Variants in HPD observed in about 807,000 individuals in gnomAD.
The protein encoded by HPD is 4-hydroxyphenylpyruvic acid oxidase.
Under a neutral mutation model 56.9 loss-of-function variants are expected in HPD, and 35 were observed. The ratio of observed to expected loss-of-function variants is 0.62; its 90% CI spans 0.47 to 0.82. The LOEUF is 0.82. Ranked by LOEUF, HPD falls within the 40% of genes least tolerant of loss-of-function variation. The pLI, the probability that HPD is intolerant of heterozygous loss-of-function variation, is 0.00. For synonymous variants in HPD, 186 were observed against 200.2 expected (o/e 0.93, Z 0.60); for missense variants, 442 against 506.8 (o/e 0.87, Z 1.23).
upstream of HPD, among the ~76,000 whole-genome samples, chr12:121,859,801 A>G (rs1368989867): frequency 6.6e-6 from 1 of 152,190 alleles, no homozygotes; most frequent in Non-Finnish European, 1.5e-5. Flanking sequence ...CCACCCCCTT[A>G]TTCTGCCTGT....
intron 12 of HPD, among the ~76,000 whole-genome samples, chr12:121,841,916 C>G (rs1333427464): frequency 2.0e-5 from 3 of 152,098 alleles, no homozygotes; most frequent in Admixed American, 1.3e-4. Context: ...AACTCCTGAC[C>G]TCATGATCCG....
Position 121,857,796 on chromosome 12 carries a change from G to T in HPD, c.54C>A (p.His18Gln). The T allele has an allele frequency of 6.2e-7, 1 of 1,614,074 alleles. No homozygotes were observed. The highest frequency in any genetic ancestry group is 1.3e-5 in the African/African-American group (1 of 75,068). ...GAKPERGRFL[H>Q]FHSVTFWVGN... ...CAACCCAGAAGGTCACAGAGTGGAA[G>T]TGGAGGAATCGGCCTCTCTCAGGCT... Residue 18 changes from histidine to glutamine, a missense_variant, in exon 3 of 14, where the codon CAC becomes CAA. Coordinates refer to ENST00000289004, the MANE Select transcript of HPD (RefSeq NM_002150.3).
At chr12:121,856,851 C>T (rs1878020178) in intron 4 of HPD, 2 of 596,884 alleles carry the variant, frequency 3.4e-6, no homozygotes, top group Non-Finnish European at 6.0e-6. Context: ...GGTCAGGTCT[C>T]CCTCGGGGAG....
chr12:121,869,777 GGCCTCCCAAAGT>G, the HPD span, among the ~76,000 whole-genome samples: 2 of 152,028 alleles, frequency 1.3e-5, no homozygotes, highest in Non-Finnish European at 2.9e-5. Flanking sequence ...CACCCACCTT[GGCCTCCCAAAGT>G]GCTGGAATTA....
chr12:121,839,708 C>T lies in HPD; in HGVS notation c.*20G>A, dbSNP rs1877340077. 1 of 1,558,340 alleles carries T rather than the reference C, an allele frequency of 6.4e-7. No individual in the cohort carries two copies. The highest frequency in any genetic ancestry group is 8.9e-7 in the Non-Finnish European group (1 of 1,129,476). On this transcript the variant is annotated 3_prime_UTR_variant, in exon 14 of 14. Transcript: ENST00000289004. Reference sequence around the variant, plus strand: ...GGGGGCGTGGCTGTGTGGCTGTGGCCTCCGTGGGGTGGGCGGGGCTTACAT... The same window carrying T: ...GGGGGCGTGGCTGTGTGGCTGTGGCTTCCGTGGGGTGGGCGGGGCTTACAT...
intron 7 of HPD, among the ~76,000 whole-genome samples, chr12:121,853,199 G>A (rs930874429): frequency 1.3e-5 from 2 of 152,102 alleles, no homozygotes; most frequent in South Asian, 2.1e-4. Flanking sequence ...GGGAGGGAGT[G>A]CACCAAGGAG....
At chr12:121,840,935 T>C (rs1877386153) in intron 12 of HPD, among the ~76,000 whole-genome samples, 1 of 151,498 alleles carries the variant, frequency 6.6e-6, no homozygotes, top group East Asian at 2.0e-4. Flanking sequence ...GGCTCACGCC[T>C]GTAATCCCAG....
intron 2 of HPD, 121 bp downstream of exon 2, chr12:121,858,566 T>G (rs762538655): frequency 1.4e-5 from 14 of 995,430 alleles, no homozygotes; most frequent in Non-Finnish European, 2.3e-5. Context: ...TGTGCAGGCA[T>G]GCACGTCATG....
intron 11 of HPD, among the ~76,000 whole-genome samples, chr12:121,846,403 G>T (rs925818000): frequency 3.3e-5 from 5 of 152,134 alleles, no homozygotes; most frequent in African/African-American, 1.2e-4. Flanking sequence ...TTTTAGTAGA[G>T]ATGGGGTTTC....
intron 12 of HPD, among the ~76,000 whole-genome samples, chr12:121,840,281 C>A (rs556636599): frequency 6.6e-6 from 1 of 152,242 alleles, no homozygotes; most frequent in East Asian, 1.9e-4. Context: ...ATCCATCCTC[C>A]CCGCAGACAT....
At chr12:121,844,087 G>T (rs1161902849) in intron 11 of HPD, among the ~76,000 whole-genome samples, 1 of 151,854 alleles carries the variant, frequency 6.6e-6, no homozygotes, top group Non-Finnish European at 1.5e-5. Flanking sequence ...TGGAGTCTCT[G>T]TTGCCCAGGC....
intron 6 of HPD, among the ~76,000 whole-genome samples, chr12:121,855,562 C>T (rs1203780228): frequency 6.6e-6 from 1 of 151,910 alleles, no homozygotes; most frequent in Non-Finnish European, 1.5e-5. Flanking sequence ...TACTAAAATA[C>T]AAAAATTAGC....
At chr12:121,872,248 A>G in the HPD span, among the ~76,000 whole-genome samples, 1 of 146,250 alleles carries the variant, frequency 6.8e-6, no homozygotes, top group African/African-American at 2.5e-5. Flanking sequence ...AAAAAAAAAA[A>G]AGAGATGGAG....
intron 11 of HPD, among the ~76,000 whole-genome samples, chr12:121,845,722 G>A (rs1309768049): frequency 6.6e-6 from 1 of 151,476 alleles, no homozygotes; most frequent in Non-Finnish European, 1.5e-5. Flanking sequence ...CAATTTAAAT[G>A]TGCAATGCCA....
At chr12:121,863,801 G>T (rs1878247982), upstream of HPD, among the ~76,000 whole-genome samples, 1 of 151,710 alleles carries the variant, frequency 6.6e-6, no homozygotes, top group African/African-American at 2.4e-5. Flanking sequence ...AAAAAAGAAA[G>T]AAAAGGGTGG....
At chr12:121,877,139 C>CAGGGATAGA in the HPD span, among the ~76,000 whole-genome samples, 10 of 150,774 alleles carry the variant, frequency 6.6e-5, no homozygotes, top group African/African-American at 2.4e-4. Flanking sequence ...CTGTTACCTA[C>CAGGGATAGA]AGGGATAGAA....
At chr12:121,871,922 C>CT in the HPD span, among the ~76,000 whole-genome samples, 1 of 151,426 alleles carries the variant, frequency 6.6e-6, no homozygotes, top group Non-Finnish European at 1.5e-5. Flanking sequence ...TCTTTTCTCT[C>CT]TTTTTTTTCT....
the HPD span, among the ~76,000 whole-genome samples, chr12:121,886,252 G>A: frequency 6.6e-6 from 1 of 151,642 alleles, no homozygotes; most frequent in African/African-American, 2.4e-5. Context: ...GGGACTACAG[G>A]CACGTGCCAC....
At chr12:121,849,543 C>T in intron 8 of HPD, 144 bp downstream of exon 8, 4 of 656,250 alleles carry the variant, frequency 6.1e-6, no homozygotes, top group Non-Finnish European at 1.1e-5. Flanking sequence ...GCCACCTCTT[C>T]AAGCACCCCT....
Sources: gnomAD v4.1 joint callset for allele counts (sites outside exome capture counted in the v4.1 genomes callset) on GRCh38, gnomAD v4.1.1 for gene constraint, MANE v1.5 for transcripts, NCBI Gene and HGNC (gene_info 2026-07-23, HGNC 2026-07-21) for gene names.